The following MAST4 variants were observed in gnomAD, a reference collection of about 807,000 sequenced individuals.
MAST4 encodes microtubule associated serine/threonine kinase family member 4.
Under a neutral mutation model 162.7 loss-of-function variants are expected in MAST4, and 89 were observed. The observed-to-expected ratio is 0.55, with a 90% CI of 0.46 to 0.65. The LOEUF (loss-of-function observed/expected upper bound fraction) is 0.65. Among genes scored for constraint, MAST4 ranks in the 30% least tolerant of loss-of-function variants. The probability of loss-of-function intolerance (pLI) is 0.00; values close to 1 mark genes in which losing one functional copy is unlikely to be tolerated. For missense variants in MAST4, 3,153 were observed against 3,374.0 expected, an observed-to-expected ratio of 0.93 and a Z score of 1.62; for synonymous variants, 1,479 against 1,361.1, an observed-to-expected ratio of 1.09 and a Z score of -1.91.
intron 4 of MAST4, among the ~76,000 whole-genome samples, chr5:67,019,942 A>G (rs1470709468): frequency 6.6e-6 from 1 of 152,224 alleles, no homozygotes; most frequent in African/African-American, 2.4e-5. Flanking sequence ...GCTGGTAAAC[A>G]ACAGAGATGG....
At chr5:66,701,081 C>A (rs1166195601) in intron 1 of MAST4, among the ~76,000 whole-genome samples, 3 of 151,698 alleles carry the variant, frequency 2.0e-5, no homozygotes, top group Non-Finnish European at 4.4e-5. Flanking sequence ...AAGTAATTAC[C>A]AAAATAATTA....
chr5:66,659,829 A>C (rs1452480365), intron 1 of MAST4, among the ~76,000 whole-genome samples: 1 of 152,234 alleles, frequency 6.6e-6, no homozygotes, highest in Non-Finnish European at 1.5e-5. Flanking sequence ...TACTGAGGGG[A>C]TGACCTCACA....
intron 4 of MAST4, among the ~76,000 whole-genome samples, chr5:66,944,080 G>A (rs974195374): frequency 3.9e-5 from 6 of 152,018 alleles, no homozygotes; most frequent in Middle Eastern, 3.2e-3. Context: ...CATTTCGAGG[G>A]TATTTTCTGA....
intron 1 of MAST4, among the ~76,000 whole-genome samples, chr5:66,749,813 T>G (rs894710516): frequency 6.6e-6 from 1 of 152,264 alleles, no homozygotes; most frequent in Non-Finnish European, 1.5e-5. Context: ...AGCTCTCATC[T>G]GGGCTTGTAA....
intron 1 of MAST4, among the ~76,000 whole-genome samples, chr5:66,671,294 T>G (rs564691161): frequency 6.6e-6 from 1 of 152,280 alleles, no homozygotes; most frequent in South Asian, 2.1e-4. Context: ...TCCCATTCTT[T>G]TGTTCTTTGG....
Position 66,737,774 on chromosome 5 carries a change from TC to T in MAST4, c.364-21933del, listed in dbSNP as rs1215488005. Among the ~76,000 whole-genome samples the T allele has an allele frequency of 2.6e-5, 4 of 152,140 alleles. No homozygotes were observed. The South Asian group carries it at 8.3e-4, about 32-fold the overall frequency. On this transcript the variant is annotated intron_variant, in intron 1 of 28. Coordinates refer to ENST00000403625, the MANE Select transcript of MAST4 (RefSeq NM_001164664.2). ...ATTGATCACTCCTTACAGCATAATT[TC>T]CAAGTCACTCTCTTGACTTCGATCA...
intron 4 of MAST4, chr5:66,959,267 G>A (rs751048974): frequency 1.6e-4 from 124 of 779,612 alleles, no homozygotes; most frequent in Non-Finnish European, 2.8e-4. Context: ...CAGCGGGAAA[G>A]GCTACAGATT....
intron 24 of MAST4, among the ~76,000 whole-genome samples, chr5:67,151,942 T>C (rs926623196): frequency 1.1e-4 from 17 of 152,004 alleles, no homozygotes; most frequent in African/African-American, 4.1e-4. Flanking sequence ...TAATTTTTTG[T>C]ATTATTTGTA....
At chr5:66,707,386 G>C (rs1482933221) in intron 1 of MAST4, among the ~76,000 whole-genome samples, 4 of 152,138 alleles carry the variant, frequency 2.6e-5, no homozygotes, top group Non-Finnish European at 4.4e-5. Context: ...GAGGTCACTT[G>C]GTGGGTATAC....
At chr5:66,809,138 A>G (rs1330151135) in intron 3 of MAST4, among the ~76,000 whole-genome samples, 2 of 152,196 alleles carry the variant, frequency 1.3e-5, no homozygotes, top group Non-Finnish European at 2.9e-5. Context: ...CTTTCTCTAC[A>G]TAGTTTGAAA....
intron 1 of MAST4, among the ~76,000 whole-genome samples, chr5:66,758,757 C>T (rs766388845): frequency 9.2e-5 from 14 of 152,166 alleles, no homozygotes; most frequent in East Asian, 1.9e-4. Flanking sequence ...CTCAGTGAAG[C>T]GGCTCTTAAA....
At position 67,166,281 on chromosome 5, in the gene MAST4, A is replaced by C. The variant is rs1326233823; in HGVS notation, c.7102A>C (p.Arg2368=). 5 of 1,558,618 alleles carry C rather than the reference A, an allele frequency of 3.2e-6. 1 individual carries two copies. In the South Asian group the frequency reaches 4.7e-5, roughly 15 times the overall value. ...TCAGCCGGCCGCCAACACCGACAGAAGGGCGGAAGGGAAGAAATGCACTGA... is the reference window on the plus strand; with the variant it reads ...TCAGCCGGCCGCCAACACCGACAGACGGGCGGAAGGGAAGAAATGCACTGA... The part of the protein sequence containing the change: ...PSQPAANTDR[R]AEGKKCTEAL... Residue 2368 remains arginine, a synonymous_variant, in exon 29 of 29, where the codon AGG becomes CGG. Transcript: ENST00000403625.
At chr5:66,809,213 G>A (rs1756355672) in intron 3 of MAST4, among the ~76,000 whole-genome samples, 1 of 152,214 alleles carries the variant, frequency 6.6e-6, no homozygotes, top group Non-Finnish European at 1.5e-5. Flanking sequence ...CAGAGGGAAA[G>A]GCGTATGAAT....
At chr5:66,855,555 C>T (rs945425762) in intron 3 of MAST4, among the ~76,000 whole-genome samples, 4 of 152,046 alleles carry the variant, frequency 2.6e-5, no homozygotes, top group Admixed American at 6.5e-5. Flanking sequence ...CAAGTAGCTT[C>T]GGGATGTTGT....
chr5:67,141,404 T>C (rs563088152), intron 19 of MAST4, among the ~76,000 whole-genome samples: 8 of 152,344 alleles, frequency 5.3e-5, no homozygotes, highest in Admixed American at 3.3e-4. Context: ...ATATGGGGTA[T>C]GGTGTTCATA....
intron 1 of MAST4, among the ~76,000 whole-genome samples, chr5:66,664,199 G>C (rs757322042): frequency 2.0e-5 from 3 of 152,028 alleles, no homozygotes; most frequent in Non-Finnish European, 4.4e-5. Flanking sequence ...ACTTTGGGAG[G>C]CCAAGACAGG....
chr5:66,889,882 G>C (rs765823785), intron 3 of MAST4, among the ~76,000 whole-genome samples: 1 of 152,160 alleles, frequency 6.6e-6, no homozygotes, highest in Non-Finnish European at 1.5e-5. Context: ...AGTTTATGAA[G>C]GATGCTTCCT....
rs1189575586 is a variant in MAST4 at position 66,740,104 on chromosome 5, G to A, written c.364-19605G>A. On this transcript the variant is annotated intron_variant, in intron 1 of 28. Transcript: ENST00000403625. ...AGGAACTGAGTGTGGATGTGGGTGGGTGGCTGCTGGAGGACTCATCAGTTG... is the reference window on the plus strand; with the variant it reads ...AGGAACTGAGTGTGGATGTGGGTGGATGGCTGCTGGAGGACTCATCAGTTG... Among the ~76,000 whole-genome samples, 4 of 151,696 alleles carry A rather than the reference G, an allele frequency of 2.6e-5. No individual in the cohort carries two copies. In the South Asian group the frequency reaches 6.2e-4, roughly 24 times the overall value.
rs1033523786 is a variant in MAST4, at chr5:66,943,335, T to C, written c.674+43353T>C. Among the ~76,000 whole-genome samples the C allele has an allele frequency of 2.2e-4, 34 of 152,280 alleles. No individual in the cohort carries two copies. In the East Asian group the frequency reaches 2.5e-3, roughly 11 times the overall value. The stretch of plus-strand genomic sequence containing the variant: ...ATTTATAAATGGAAGCTATGGTTAG[T>C]ATTTCTAGCAAAAATGCATGTTCTC... On this transcript the variant is annotated intron_variant, in intron 4 of 28. Coordinates refer to ENST00000403625, the MANE Select transcript of MAST4 (RefSeq NM_001164664.2).
Sources: allele counts gnomAD v4.1 joint callset (sites outside exome capture counted in the v4.1 genomes callset), GRCh38; gene constraint gnomAD v4.1.1; transcripts MANE v1.5; gene names NCBI Gene and HGNC (gene_info 2026-07-23, HGNC 2026-07-21).